KIAA1210: variants seen among roughly 807,000 people sequenced by gnomAD.
KIAA1210 encodes KIAA1210, also known as acrosomal protein KIAA1210.
In KIAA1210, 48 loss-of-function variants were observed where a neutral mutation model predicts 78.9. The ratio of observed to expected loss-of-function variants is 0.61; its 90% CI spans 0.48 to 0.77. KIAA1210 has a LOEUF of 0.77. Ranked by LOEUF, KIAA1210 falls within the 30% of genes least tolerant of loss-of-function variation. The probability of loss-of-function intolerance (pLI) is 0.00; values close to 1 mark genes in which losing one functional copy is unlikely to be tolerated. For missense variants in KIAA1210, 1,108 were observed against 1,100.0 expected, an observed-to-expected ratio of 1.01 and a Z score of -0.10; for synonymous variants, 406 against 404.5, an observed-to-expected ratio of 1.00 and a Z score of -0.04.
intron 6 of KIAA1210, among the ~76,000 whole-genome samples, chrX:119,100,632 G>A (rs1927710155): frequency 8.9e-6 from 1 of 111,835 alleles, no homozygotes; most frequent in Admixed American, 9.5e-5. Context: ...ATATCACATA[G>A]AGGTGAAGTC....
chrX:119,141,835 AG>A (rs1251662991), intron 2 of KIAA1210, among the ~76,000 whole-genome samples: 1 of 112,431 alleles, frequency 8.9e-6, no homozygotes, highest in Non-Finnish European at 1.9e-5. Context: ...TGATAATAGA[AG>A]GGTCTGGGGA....
At chrX:119,103,659 T>C (rs1159033413) in intron 6 of KIAA1210, among the ~76,000 whole-genome samples, 1 of 112,309 alleles carries the variant, frequency 8.9e-6, no homozygotes, top group Admixed American at 9.4e-5. Context: ...ATGTTCATAA[T>C]AGCACTATAC....
intron 6 of KIAA1210, among the ~76,000 whole-genome samples, chrX:119,099,977 T>C (rs1927682132): frequency 9.0e-6 from 1 of 111,269 alleles, no homozygotes; most frequent in African/African-American, 3.3e-5. Context: ...GGATTCCTTT[T>C]GGGAAGTGTG....
intron 1 of KIAA1210, among the ~76,000 whole-genome samples, chrX:119,127,522 C>G (rs770681390): frequency 1.2e-4 from 13 of 110,776 alleles, no homozygotes; most frequent in Admixed American, 1.1e-3. Flanking sequence ...ATCCTAAAAG[C>G]CCTGAGGCTT....
intron 7 of KIAA1210, chrX:119,094,126 A>C (rs1927480236): frequency 1.0e-6 from 1 of 955,765 alleles, no homozygotes; most frequent in Non-Finnish European, 1.5e-6. Context: ...GCCTGACAAC[A>C]ATCATGCCCT....
chrX:119,115,530 C>T (rs1928231220), intron 3 of KIAA1210, among the ~76,000 whole-genome samples: 1 of 111,984 alleles, frequency 8.9e-6, no homozygotes, highest in Non-Finnish European at 1.9e-5. Flanking sequence ...GAAGGTTGTT[C>T]TTAAGGAGCC....
chrX:119,086,512 ATC>A lies in KIAA1210; in HGVS notation c.4156+32_4156+33del, dbSNP rs776894462. 6.2e-6 allele frequency: 7 copies of A among 1,130,851 alleles called. No individual in the cohort carries two copies. The South Asian group carries it at 1.2e-4, about 20-fold the overall frequency. The allele number at this position is 1,130,851 out of a possible 1,213,427, so 93.2% of individuals were successfully genotyped here. A position where few individuals can be genotyped will look rare whatever the true frequency, so the allele number is the denominator to read the frequency against. On this transcript the variant is annotated intron_variant, in intron 9 of 11. Coordinates refer to ENST00000691062, the MANE Select transcript of KIAA1210 (RefSeq NM_001394962.1). ...TGCTTTCCAGTTGTTTCCACTTGAT[ATC>A]TGCTTGCCATCTGGAGAGATAAAAG...
intron 7 of KIAA1210, 91 bp downstream of exon 7, chrX:119,096,403 A>G (rs1045944397): frequency 1.2e-6 from 1 of 856,916 alleles, no homozygotes; most frequent in Non-Finnish European, 1.6e-6. Flanking sequence ...AGTCTCCTAC[A>G]CCATACTATT....
intron 7 of KIAA1210, among the ~76,000 whole-genome samples, chrX:119,095,717 T>C (rs1927531126): frequency 8.9e-6 from 1 of 112,499 alleles, no homozygotes. Context: ...AAAAGCCTTT[T>C]CCAAAAGCAT....
Position 119,078,730 on chromosome X carries a change from AAGAACTTAATCTCTTCATTTAAAAAC to A in KIAA1210, c.*2573_*2598del, listed in dbSNP as rs1218930096. 8.8e-6 allele frequency: 1 copy of A among 113,224 alleles called. No homozygotes were observed. Among genetic ancestry groups the A allele is most frequent in the African/African-American group, 3.2e-5 (1 of 31,220 alleles). The allele number at this position is 113,224 out of a possible 1,213,427, so 9.3% of individuals were successfully genotyped here. A position where few individuals can be genotyped will look rare whatever the true frequency, so the allele number is the denominator to read the frequency against. ...CAGAATATGCCTTTAGGCATTTAAA[AAGAACTTAATCTCTTCATTTAAAAAC>A]AGAACTTTGTTGTTAACTGTGGAAA... On this transcript the variant is annotated 3_prime_UTR_variant, in exon 12 of 12. Coordinates refer to ENST00000691062, the MANE Select transcript of KIAA1210 (RefSeq NM_001394962.1).
At chrX:119,091,402 T>C (rs745760638) in intron 8 of KIAA1210, among the ~76,000 whole-genome samples, 49 of 112,256 alleles carry the variant, frequency 4.4e-4, no homozygotes, top group Non-Finnish European at 7.9e-4. Context: ...AAAGAAGTCA[T>C]TATATCAAAA....
At chrX:119,129,550 A>G (rs1928738305), upstream of KIAA1210, among the ~76,000 whole-genome samples, 1 of 111,648 alleles carries the variant, frequency 9.0e-6, no homozygotes, top group Non-Finnish European at 1.9e-5. Context: ...CTTCAGACAC[A>G]GAGGCATGCT....
At chrX:119,138,540 C>T (rs982533555) in intron 2 of KIAA1210, among the ~76,000 whole-genome samples, 6 of 111,512 alleles carry the variant, frequency 5.4e-5, no homozygotes, top group Non-Finnish European at 9.4e-5. Flanking sequence ...ACTTAAGATA[C>T]GCCAGGTGCT....
chrX:119,109,290 G>C (rs1362159185), intron 3 of KIAA1210, 88 bp from the exon 4 acceptor site: 1 of 916,077 alleles, frequency 1.1e-6, no homozygotes, highest in Non-Finnish European at 1.5e-6. Context: ...GCCTACCATA[G>C]ATACCTCAGA....
chrX:119,109,782 T>G (rs965544265), intron 3 of KIAA1210, among the ~76,000 whole-genome samples: 8 of 111,860 alleles, frequency 7.2e-5, no homozygotes, highest in Admixed American at 4.8e-4. Context: ...CACAAGGCTT[T>G]AATTCATCAG....
rs1926916248 is a variant in KIAA1210, at chrX:119,080,593, T to C, written c.*736A>G. 8.9e-6 allele frequency: 1 copy of C among 112,512 alleles called. No homozygotes were observed. The highest frequency in any genetic ancestry group is 1.9e-5 in the Non-Finnish European group (1 of 53,324). 9.3% of individuals were successfully genotyped at this position (112,512 alleles called of 1,213,427 possible). A position where few individuals can be genotyped will look rare whatever the true frequency, so the allele number is the denominator to read the frequency against. On this transcript the variant is annotated 3_prime_UTR_variant, in exon 12 of 12. Transcript: ENST00000691062. ...CTGAATGTTTCCATTAGAATTACTT[T>C]ATTTGGTTGAGGGAAATGACAATTT...
chrX:119,124,301 G>C (rs913070833), intron 1 of KIAA1210, among the ~76,000 whole-genome samples: 1 of 112,272 alleles, frequency 8.9e-6, no homozygotes, highest in African/African-American at 3.2e-5. Flanking sequence ...GTTTCTTTTT[G>C]AGATGATGAA....
At position 119,078,882 on chromosome X, in the gene KIAA1210, A is replaced by G. The variant is rs1447332712; in HGVS notation, c.*2447T>C. The G allele has an allele frequency of 8.9e-6, 1 of 111,760 alleles. No homozygotes were observed. The highest frequency in any genetic ancestry group is 1.9e-5 in the Non-Finnish European group (1 of 53,133). The allele number at this position is 111,760 out of a possible 1,213,427, so 9.2% of individuals were successfully genotyped here. On this transcript the variant is annotated 3_prime_UTR_variant, in exon 12 of 12. Coordinates refer to ENST00000691062, the MANE Select transcript of KIAA1210 (RefSeq NM_001394962.1). ...GTAACAGCTGTGTTGTTAACTGTGG[A>G]AAAGAAATTGTTATTGGAGAGTTCT... is the stretch of plus-strand genomic sequence containing the variant.
chrX:119,089,484 G>A lies in KIAA1210; in HGVS notation c.1218C>T (p.Val406=), dbSNP rs41304502. The A allele has an allele frequency of 0.016, 18,877 of 1,210,306 alleles. 147 individuals carry two copies. The highest frequency in any genetic ancestry group is 0.019 in the Non-Finnish European group (17,133 of 895,218). Residue 406 remains valine, a synonymous_variant, in exon 9 of 12, where the codon GTC becomes GTT. Transcript: ENST00000691062. ...TCTCTAAGGACAAGTGCGAGAAAGGGACATTCCTGGCAGTCTTATTGGTAG... is the reference window on the plus strand; with the variant it reads ...TCTCTAAGGACAAGTGCGAGAAAGGAACATTCCTGGCAGTCTTATTGGTAG... ...SSPTNKTARN[V]PFSHLSLEKD...
Sources: allele counts gnomAD v4.1 joint callset (sites outside exome capture counted in the v4.1 genomes callset), GRCh38; gene constraint gnomAD v4.1.1; transcripts MANE v1.5; gene names NCBI Gene and HGNC (gene_info 2026-07-23, HGNC 2026-07-21).